Variants in HECW2 observed in about 807,000 individuals in gnomAD.
The protein encoded by HECW2 is E3 ubiquitin-protein ligase HECW2.
Under a neutral mutation model 175.2 loss-of-function variants are expected in HECW2, and 61 were observed. That is an observed-to-expected ratio of 0.35 (90% CI 0.28 to 0.43). HECW2 has a LOEUF of 0.43. Ranked by LOEUF, HECW2 falls within the 20% of genes least tolerant of loss-of-function variation. The pLI, the probability that HECW2 is intolerant of heterozygous loss-of-function variation, is 1.00. For missense variants in HECW2, 1,524 were observed against 2,000.5 expected (o/e 0.76, Z 4.54); for synonymous variants, 671 against 731.0 (o/e 0.92, Z 1.32).
intron 1 of HECW2, among the ~76,000 whole-genome samples, chr2:196,452,809 A>C (rs1305399685): frequency 6.6e-6 from 1 of 151,874 alleles, no homozygotes; most frequent in African/African-American, 2.4e-5. Flanking sequence ...AAAAAAAAAA[A>C]AACATGGGCC....
intron 3 of HECW2, among the ~76,000 whole-genome samples, chr2:196,342,965 A>ACAGT (rs201403611): frequency 0.28 from 261 of 934 alleles, 1 homozygote; most frequent in African/African-American, 0.35. Flanking sequence ...TATATACCAT[A>ACAGT]CATTATGTAT....
chr2:196,524,069 A>G (rs1353470471), intron 1 of HECW2, among the ~76,000 whole-genome samples: 1 of 143,712 alleles, frequency 7.0e-6, no homozygotes, highest in Non-Finnish European at 1.5e-5. Context: ...TCCTCCTTGT[A>G]CCTCTGGTAG....
chr2:196,225,360 T>C (rs1427005890), intron 23 of HECW2, among the ~76,000 whole-genome samples: 3 of 151,940 alleles, frequency 2.0e-5, no homozygotes, highest in African/African-American at 4.8e-5. Flanking sequence ...CATTTGAAAA[T>C]ATGCATCAAG....
Position 196,364,606 on chromosome 2 carries a change from C to T in HECW2, c.293-20842G>A, listed in dbSNP as rs139833040. Among the ~76,000 whole-genome samples, 821 of 152,310 alleles carry T rather than the reference C, an allele frequency of 5.4e-3. 8 individuals carry two copies. The highest frequency in any genetic ancestry group is 0.02 in the Middle Eastern group (6 of 294). ...ATAAAATGGGGAAGCACATTAATAA[C>T]GACTTTTTATCAACAAAACACTCTT... On this transcript the variant is annotated intron_variant, in intron 2 of 28. Coordinates refer to ENST00000644978, the MANE Select transcript of HECW2 (RefSeq NM_001348768.2).
chr2:196,390,503 C>G (rs1469001643), intron 2 of HECW2, among the ~76,000 whole-genome samples: 1 of 152,206 alleles, frequency 6.6e-6, no homozygotes, highest in African/African-American at 2.4e-5. Flanking sequence ...GAAAACTAAA[C>G]ACACTAGGTG....
chr2:196,430,551 A>G (rs1212200962), intron 2 of HECW2, among the ~76,000 whole-genome samples: 1 of 152,218 alleles, frequency 6.6e-6, no homozygotes, highest in Non-Finnish European at 1.5e-5. Flanking sequence ...TATGATCTGA[A>G]TGAGTTAACA....
chr2:196,358,675 A>AGCACAAT (rs1460912354), intron 2 of HECW2, among the ~76,000 whole-genome samples: 1 of 151,748 alleles, frequency 6.6e-6, no homozygotes, highest in East Asian at 1.9e-4. Context: ...ATTACTCAAA[A>AGCACAAT]GCACAATTCT....
rs950012852 is a variant in HECW2, at chr2:196,220,287, T to C, written c.4294-134A>G. The C allele has an allele frequency of 1.5e-4, 96 of 634,432 alleles. 1 individual carries two copies. Among genetic ancestry groups the C allele is most frequent in the Non-Finnish European group, 3.4e-5 (12 of 356,568 alleles). The allele number at this position is 634,432 out of a possible 1,614,324, so 39.3% of individuals were successfully genotyped here. ...TACCTTGTGTTGGCACTTGAAAACC[T>C]GTAAAGCTCCCTACAAATATAAGGC... is the stretch of plus-strand genomic sequence containing the variant. On this transcript the variant is annotated intron_variant, in intron 25 of 28. Transcript: ENST00000644978.
chr2:196,487,004 C>T (rs1490530283), intron 1 of HECW2, among the ~76,000 whole-genome samples: 1 of 151,992 alleles, frequency 6.6e-6, no homozygotes, highest in Admixed American at 6.6e-5. Context: ...CAGGCATGAG[C>T]CAGGCATGGT....
chr2:196,457,014 C>A (rs924791593), intron 1 of HECW2, among the ~76,000 whole-genome samples: 8 of 152,090 alleles, frequency 5.3e-5, no homozygotes, highest in African/African-American at 1.9e-4. Flanking sequence ...TATTCCTGTA[C>A]CAAGCTTCAA....
intron 2 of HECW2, among the ~76,000 whole-genome samples, chr2:196,384,071 C>A (rs1227095010): frequency 6.6e-6 from 1 of 152,212 alleles, no homozygotes; most frequent in Non-Finnish European, 1.5e-5. Context: ...TATTTCTTCA[C>A]TCTTCCATCT....
intron 28 of HECW2, among the ~76,000 whole-genome samples, chr2:196,210,665 G>A (rs1687250280): frequency 6.6e-6 from 1 of 151,922 alleles, no homozygotes. Flanking sequence ...CCAGGCTGGA[G>A]TGCAGTGGCA....
At chr2:196,520,287 G>C (rs1688311856) in intron 1 of HECW2, among the ~76,000 whole-genome samples, 2 of 151,034 alleles carry the variant, frequency 1.3e-5, no homozygotes, top group African/African-American at 4.9e-5. Context: ...AAAAGATCCA[G>C]TGAGCATGGT....
At chr2:196,343,898 A>C in intron 2 of HECW2, 134 bp from the exon 3 acceptor site, 1 of 614,450 alleles carries the variant, frequency 1.6e-6, no homozygotes, top group Non-Finnish European at 2.9e-6. Flanking sequence ...CTTAATGACT[A>C]CCTCCCAGCA....
intron 1 of HECW2, among the ~76,000 whole-genome samples, chr2:196,533,727 C>A (rs1688921993): frequency 2.0e-5 from 3 of 152,140 alleles, no homozygotes; most frequent in Admixed American, 1.3e-4. Context: ...TTTTTTCTGG[C>A]TCAACTTATC....
intron 1 of HECW2, among the ~76,000 whole-genome samples, chr2:196,528,344 C>A (rs1688738322): frequency 1.3e-5 from 2 of 152,158 alleles, no homozygotes; most frequent in African/African-American, 4.8e-5. Context: ...AAAGCAGAGT[C>A]AACTGTATTA....
At chr2:196,288,994 C>G (rs893511581) in intron 14 of HECW2, 4 of 152,248 alleles carry the variant, frequency 2.6e-5, no homozygotes, top group Non-Finnish European at 5.9e-5. Context: ...ATAAAAATAG[C>G]ACCCATCTCC....
chr2:196,276,539 A>T (rs557389490), intron 15 of HECW2, among the ~76,000 whole-genome samples: 101 of 152,346 alleles, frequency 6.6e-4, no homozygotes, highest in African/African-American at 2.4e-3. Context: ...GTGAGTGGTT[A>T]AAGGGCACGG....
intron 2 of HECW2, among the ~76,000 whole-genome samples, chr2:196,378,061 C>T (rs1694100958): frequency 6.6e-6 from 1 of 152,204 alleles, no homozygotes; most frequent in Admixed American, 6.5e-5. Context: ...AAAATCACAA[C>T]TGTCTCCTCT....
Sources: allele counts gnomAD v4.1 joint callset (sites outside exome capture counted in the v4.1 genomes callset), GRCh38; gene constraint gnomAD v4.1.1; transcripts MANE v1.5; gene names NCBI Gene and HGNC (gene_info 2026-07-23, HGNC 2026-07-21).